The following SLIT3 variants were observed in gnomAD, a reference collection of about 807,000 sequenced individuals.
The protein encoded by SLIT3 is slit guidance ligand 3, also known as slit homolog 3 protein.
A neutral mutation model predicts 184.0 loss-of-function variants in SLIT3; 68 were observed. The ratio of observed to expected loss-of-function variants is 0.37; its 90% CI spans 0.30 to 0.45. SLIT3 has a LOEUF of 0.45. Among genes scored for constraint, SLIT3 ranks in the 20% least tolerant of loss-of-function variants. SLIT3 has a pLI of 1.00. For missense variants in SLIT3, 1,707 were observed against 2,026.0 expected, an observed-to-expected ratio of 0.84 and a Z score of 3.02; for synonymous variants, 831 against 828.6, an observed-to-expected ratio of 1.00 and a Z score of -0.05.
intron 4 of SLIT3, among the ~76,000 whole-genome samples, chr5:168,988,353 A>C (rs774868871): frequency 6.6e-6 from 1 of 152,146 alleles, no homozygotes; most frequent in African/African-American, 2.4e-5. Flanking sequence ...AAGTCCTACA[A>C]TTCCATAATT....
Position 169,072,229 on chromosome 5 carries a change from T to C in SLIT3, c.413+121250A>G, listed in dbSNP as rs190116369. Among the ~76,000 whole-genome samples the C allele has an allele frequency of 2.4e-3, 363 of 152,216 alleles. 2 individuals carry two copies. Among genetic ancestry groups the C allele is most frequent in the Non-Finnish European group, 2.2e-3 (150 of 68,004 alleles). On this transcript the variant is annotated intron_variant, in intron 4 of 35. Transcript: ENST00000519560. ...TGTTCCAGGGAGCAGCAGAGAATAA[T>C]GATAAGCTTGAAAAACTTGAAAATG...
intron 1 of SLIT3, among the ~76,000 whole-genome samples, chr5:169,276,244 G>A (rs1766801498): frequency 6.6e-6 from 1 of 152,108 alleles, no homozygotes; most frequent in Non-Finnish European, 1.5e-5. Context: ...CCAAATTGTG[G>A]TCTTCTTTCT....
intron 4 of SLIT3, among the ~76,000 whole-genome samples, chr5:168,954,517 T>C (rs535412583): frequency 6.6e-6 from 1 of 152,310 alleles, no homozygotes; most frequent in South Asian, 2.1e-4. Context: ...GGTTAGCTCC[T>C]GCAAAGCAGG....
chr5:168,907,979 T>TAGAGAGAGAGAGAGAGAGAG (rs70979109), intron 4 of SLIT3, among the ~76,000 whole-genome samples: 5 of 50,086 alleles, frequency 1.0e-4, no homozygotes, highest in African/African-American at 6.3e-4. Context: ...TATATATATA[T>TAGAGAGAGAGAGAGAGAGAG]AGAGAGAGAG....
intron 4 of SLIT3, among the ~76,000 whole-genome samples, chr5:169,127,642 G>T (rs1288700101): frequency 6.6e-6 from 1 of 152,208 alleles, no homozygotes; most frequent in African/African-American, 2.4e-5. Context: ...GGACATGAGA[G>T]CAGGGGCTCT....
intron 4 of SLIT3, among the ~76,000 whole-genome samples, chr5:169,121,730 A>G (rs1031859684): frequency 1.3e-5 from 2 of 152,214 alleles, no homozygotes; most frequent in Non-Finnish European, 2.9e-5. Context: ...TCTTGCAAAA[A>G]AGTTTTCTGT....
At chr5:168,901,383 CA>C (rs1760870113) in intron 4 of SLIT3, among the ~76,000 whole-genome samples, 1 of 151,552 alleles carries the variant, frequency 6.6e-6, no homozygotes, top group South Asian at 2.1e-4. Flanking sequence ...CAAAACAAAA[CA>C]AAACAAAACA....
intron 4 of SLIT3, among the ~76,000 whole-genome samples, chr5:169,121,856 G>T (rs1477061894): frequency 6.6e-6 from 1 of 152,214 alleles, no homozygotes; most frequent in Non-Finnish European, 1.5e-5. Flanking sequence ...CGCACATGTG[G>T]TTATGCAGGA....
intron 1 of SLIT3, among the ~76,000 whole-genome samples, chr5:169,290,843 AG>A (rs910743062): frequency 1.3e-5 from 2 of 151,886 alleles, no homozygotes; most frequent in African/African-American, 4.8e-5. Flanking sequence ...GGCACACGCT[AG>A]GGCACATGCT....
At chr5:169,254,320 T>C (rs1357113016) in intron 1 of SLIT3, among the ~76,000 whole-genome samples, 2 of 152,070 alleles carry the variant, frequency 1.3e-5, no homozygotes, top group Non-Finnish European at 2.9e-5. Flanking sequence ...TCCAGACCTT[T>C]ATGACCTTCA....
chr5:169,080,179 C>T (rs1165391206), intron 4 of SLIT3, among the ~76,000 whole-genome samples: 1 of 152,076 alleles, frequency 6.6e-6, no homozygotes, highest in African/African-American at 2.4e-5. Context: ...CAGACCCACT[C>T]AACAGGCTTC....
At chr5:169,060,526 G>C (rs951518334) in intron 4 of SLIT3, among the ~76,000 whole-genome samples, 1 of 152,192 alleles carries the variant, frequency 6.6e-6, no homozygotes, top group Non-Finnish European at 1.5e-5. Flanking sequence ...CAGCACTGTG[G>C]GCATGTGAGT....
At chr5:169,067,122 C>T (rs191500991) in intron 4 of SLIT3, among the ~76,000 whole-genome samples, 49 of 152,152 alleles carry the variant, frequency 3.2e-4, no homozygotes, top group East Asian at 1.2e-3. Context: ...GAATGACGGA[C>T]GAATTGGCCG....
intron 4 of SLIT3, among the ~76,000 whole-genome samples, chr5:169,069,668 T>C (rs1561643052): frequency 6.6e-6 from 1 of 152,038 alleles, no homozygotes; most frequent in East Asian, 1.9e-4. Context: ...CAAATGTTTA[T>C]ACATCATGAC....
intron 20 of SLIT3, among the ~76,000 whole-genome samples, chr5:168,737,662 A>T (rs1451726956): frequency 2.0e-5 from 3 of 152,210 alleles, no homozygotes; most frequent in Non-Finnish European, 4.4e-5. Context: ...ATATGTCTAA[A>T]CATCATGGAT....
chr5:168,968,654 C>T (rs62377237), intron 4 of SLIT3, among the ~76,000 whole-genome samples: 1 of 152,148 alleles, frequency 6.6e-6, no homozygotes, highest in Non-Finnish European at 1.5e-5. Context: ...ACCTGTCAAC[C>T]AAAACTGGTC....
At chr5:168,866,498 C>T (rs146312241) in intron 5 of SLIT3, among the ~76,000 whole-genome samples, 1 of 152,342 alleles carries the variant, frequency 6.6e-6, no homozygotes, top group East Asian at 1.9e-4. Context: ...TCACCTATCT[C>T]ATCTCCACTC....
intron 4 of SLIT3, among the ~76,000 whole-genome samples, chr5:168,993,657 C>A (rs1755408563): frequency 7.0e-6 from 1 of 143,738 alleles, no homozygotes; most frequent in Admixed American, 7.0e-5. Context: ...TTCTCATATA[C>A]TTTCTAAGTA....
intron 1 of SLIT3, among the ~76,000 whole-genome samples, chr5:169,273,908 T>C (rs959203064): frequency 6.6e-6 from 1 of 152,152 alleles, no homozygotes; most frequent in Non-Finnish European, 1.5e-5. Context: ...ATATGGTATA[T>C]AAATAAGTTA....
Sources: gnomAD v4.1 joint callset for allele counts (sites outside exome capture counted in the v4.1 genomes callset) on GRCh38, gnomAD v4.1.1 for gene constraint, MANE v1.5 for transcripts, NCBI Gene and HGNC (gene_info 2026-07-23, HGNC 2026-07-21) for gene names.